The following PCNT variants were observed in gnomAD, a reference collection of about 807,000 sequenced individuals.
PCNT encodes the protein kendrin.
Under a neutral mutation model 380.4 loss-of-function variants are expected in PCNT, and 319 were observed. The ratio of observed to expected loss-of-function variants is 0.84; its 90% CI spans 0.77 to 0.92. PCNT has a LOEUF of 0.92. PCNT is among the 40% of genes least tolerant of loss of function. The probability of loss-of-function intolerance (pLI) is 0.00; values close to 1 mark genes in which losing one functional copy is unlikely to be tolerated. For synonymous variants in PCNT, 1,845 were observed against 1,735.2 expected (o/e 1.06, Z -1.57); for missense variants, 4,400 against 4,255.3 (o/e 1.03, Z -0.95).
chr21:46,387,641 C>T (rs1047607267), intron 17 of PCNT, among the ~76,000 whole-genome samples: 2 of 152,134 alleles, frequency 1.3e-5, no homozygotes, highest in African/African-American at 4.8e-5. Context: ...TCAGGACTCC[C>T]CCTCCCTGTT....
At chr21:46,410,703 G>C (rs2086757875) in intron 27 of PCNT, among the ~76,000 whole-genome samples, 1 of 152,224 alleles carries the variant, frequency 6.6e-6, no homozygotes, top group South Asian at 2.1e-4. Flanking sequence ...CAGTGGCAGA[G>C]ACGCCTCATC....
At chr21:46,341,439 C>T (rs1278913000) in intron 3 of PCNT, among the ~76,000 whole-genome samples, 1 of 151,914 alleles carries the variant, frequency 6.6e-6, no homozygotes, top group Non-Finnish European at 1.5e-5. Flanking sequence ...TTCATCTGAT[C>T]AGTCTTCCAA....
chr21:46,384,604 A>G (rs1028661755), intron 16 of PCNT, among the ~76,000 whole-genome samples: 2 of 133,976 alleles, frequency 1.5e-5, no homozygotes, highest in Admixed American at 1.6e-4. Context: ...AGTGCTGTAC[A>G]TTCAGTGGCA....
rs368272216 is a variant in PCNT, at chr21:46,428,362, A to G, written c.7495-33A>G. The stretch of plus-strand genomic sequence containing the variant: ...GGCCGGGGCATGGGGTGGCTGCCCA[A>G]TGCTCAGGCTGCTTGTCCCATTGTG... On this transcript the variant is annotated intron_variant, in intron 34 of 46. Transcript: ENST00000359568. The G allele has an allele frequency of 3.5e-4, 556 of 1,602,124 alleles. 1 individual carries two copies. Among genetic ancestry groups the G allele is most frequent in the Middle Eastern group, 5.0e-4 (3 of 5,992 alleles).
intron 37 of PCNT, chr21:46,431,032 A>G: frequency 1.0e-6 from 1 of 985,468 alleles, no homozygotes; most frequent in South Asian, 4.7e-5. Flanking sequence ...GAGGCCCAGC[A>G]GGCCTGCTGT....
intron 3 of PCNT, among the ~76,000 whole-genome samples, chr21:46,345,438 G>A (rs950797042): frequency 7.2e-5 from 11 of 152,014 alleles, no homozygotes; most frequent in African/African-American, 2.4e-4. Flanking sequence ...GGCTGGTCTC[G>A]AACTCCTGAC....
chr21:46,412,906 G>A lies in PCNT; in HGVS notation c.6064G>A (p.Val2022Met), dbSNP rs2147696428. 2 of 1,612,834 alleles carry A rather than the reference G, an allele frequency of 1.2e-6. No homozygotes were observed. The highest frequency in any genetic ancestry group is 1.7e-6 in the Non-Finnish European group (2 of 1,180,024). ...PLCKQEGVMS[V>M]LTVCQRQLQS... ...CTGCAAGCAAGAAGGCGTGATGTCA[G>A]TGCTCACCGTCTGCCAGAGGCAGCT... Residue 2022 changes from valine (V) to methionine (M), a missense_variant, in exon 29 of 47, where the codon GTG (valine) becomes ATG (methionine). Coordinates refer to ENST00000359568, the MANE Select transcript of PCNT (RefSeq NM_006031.6).
Position 46,436,959 on chromosome 21 carries a change from G to C in PCNT, c.8997-20G>C. The C allele has an allele frequency of 6.4e-7, 1 of 1,573,400 alleles. No homozygotes were observed. Among genetic ancestry groups the C allele is most frequent in the Non-Finnish European group, 8.8e-7 (1 of 1,142,824 alleles). ...ACTTGGGGCGCGTATGCAACTTTGA[G>C]TGCCCATTTATTTTTACAGGACAGT... On this transcript the variant is annotated intron_variant, in intron 39 of 46. Transcript: ENST00000359568.
At chr21:46,386,470 C>G (rs1244720662) in intron 17 of PCNT, among the ~76,000 whole-genome samples, 1 of 152,228 alleles carries the variant, frequency 6.6e-6, no homozygotes, top group Non-Finnish European at 1.5e-5. Flanking sequence ...CCGTTCCTTT[C>G]TCCATTGGGA....
Position 46,411,468 on chromosome 21 carries a change from A to G in PCNT, c.5395A>G (p.Lys1799Glu). The part of the protein sequence containing the change: ...QGELEAALEA[K>E]EALSRLLADQ... ...CGAGCTCGAGGCTGCGCTGGAAGCC[A>G]AGGAGGCCCTGAGCCGGCTGCTGGC... Residue 1799 changes from lysine to glutamate, a missense_variant, in exon 28 of 47, where the codon AAG becomes GAG. Physicochemically the swap from Lys to Glu is moderately conservative, Grantham distance 56. Transcript: ENST00000359568. The G allele has an allele frequency of 2.5e-6, 4 of 1,610,392 alleles. No homozygotes were observed. The highest frequency in any genetic ancestry group is 2.2e-5 in the East Asian group (1 of 44,818).
At chr21:46,331,220 C>G (rs2083549725) in intron 2 of PCNT, among the ~76,000 whole-genome samples, 1 of 151,938 alleles carries the variant, frequency 6.6e-6, no homozygotes, top group Non-Finnish European at 1.5e-5. Flanking sequence ...GTGCAGTGGC[C>G]CAATCAGCTT....
chr21:46,326,557 C>G lies in PCNT; in HGVS notation c.235C>G (p.Pro79Ala). 1 of 1,614,090 alleles carries G rather than the reference C, an allele frequency of 6.2e-7. No homozygotes were observed. Among genetic ancestry groups the G allele is most frequent in the Non-Finnish European group, 8.5e-7 (1 of 1,179,978 alleles). The change falls in exon 2 of 47, where the codon CCT becomes GCT. Residue 79 changes from proline (P) to alanine (A), a missense_variant. Physicochemically the swap from Pro to Ala is conservative, Grantham distance 27. Coordinates refer to ENST00000359568, the MANE Select transcript of PCNT (RefSeq NM_006031.6). ...CAAAAGCACATCATGTGACGACACC[C>G]CTGATGGGGCAGGAGGGGCCTTTGC... ...ICKSTSCDDT[P>A]DGAGGAFAAQ...
chr21:46,379,428 A>G (rs1259477133), intron 15 of PCNT, among the ~76,000 whole-genome samples: 1 of 152,168 alleles, frequency 6.6e-6, no homozygotes, highest in African/African-American at 2.4e-5. Flanking sequence ...TGATGGGTGA[A>G]GTGTGGGTCT....
rs375098069 is a variant in PCNT at position 46,326,506 on chromosome 21, G to A, written c.184G>A (p.Ala62Thr). ...EESPVTKEDSALCGGGDICKS... is the reference protein window; with the variant it reads ...EESPVTKEDSTLCGGGDICKS... ...GAGTCCGGTAACCAAGGAGGACAGCGCACTCTGTGGAGGAGGGGACATTTG... is the reference window on the plus strand; with the variant it reads ...GAGTCCGGTAACCAAGGAGGACAGCACACTCTGTGGAGGAGGGGACATTTG... Residue 62 changes from alanine to threonine, a missense_variant, in exon 2 of 47, where the codon GCA (alanine) becomes ACA (threonine). By Grantham distance (58) the Ala-to-Thr change is moderately conservative. Transcript: ENST00000359568. The A allele has an allele frequency of 8.7e-6, 14 of 1,614,076 alleles. No individual in the cohort carries two copies. The highest frequency in any genetic ancestry group is 2.2e-5 in the South Asian group (2 of 91,094).
chr21:46,332,649 T>C (rs753819997), intron 2 of PCNT, among the ~76,000 whole-genome samples: 1 of 152,180 alleles, frequency 6.6e-6, no homozygotes, highest in Non-Finnish European at 1.5e-5. Context: ...AATGAAGACT[T>C]GTCTGAGATT....
At chr21:46,359,748 A>G (rs1020848142) in intron 13 of PCNT, among the ~76,000 whole-genome samples, 8 of 151,188 alleles carry the variant, frequency 5.3e-5, no homozygotes, top group African/African-American at 4.9e-5. Flanking sequence ...CAGCCTCCCA[A>G]ATTTTTGGGT....
intron 42 of PCNT, 137 bp downstream of exon 42, chr21:46,440,339 T>G: frequency 2.2e-6 from 2 of 916,442 alleles, no homozygotes; most frequent in Non-Finnish European, 3.5e-6. Flanking sequence ...GGAAAGGACG[T>G]TCACAGAATA....
At chr21:46,325,049 T>G in intron 1 of PCNT, 1 of 985,504 alleles carries the variant, frequency 1.0e-6, no homozygotes, top group Non-Finnish European at 1.2e-6. Context: ...CGCTCCCGTC[T>G]TTCTCCCGCC....
At chr21:46,404,484 G>C (rs2086566314) in intron 27 of PCNT, among the ~76,000 whole-genome samples, 1 of 152,238 alleles carries the variant, frequency 6.6e-6, no homozygotes, top group African/African-American at 2.4e-5. Context: ...CCTCGGCGAG[G>C]TACGCCACTC....
Sources: gnomAD v4.1 joint callset for allele counts (sites outside exome capture counted in the v4.1 genomes callset) on GRCh38, gnomAD v4.1.1 for gene constraint, MANE v1.5 for transcripts, NCBI Gene and HGNC (gene_info 2026-07-23, HGNC 2026-07-21) for gene names.